SACS: variants seen among roughly 807,000 people sequenced by gnomAD.
The protein encoded by SACS is sacsin.
A neutral mutation model predicts 348.0 loss-of-function variants in SACS; 197 were observed. That is an observed-to-expected ratio of 0.57 (90% CI 0.50 to 0.64). The LOEUF (loss-of-function observed/expected upper bound fraction) is 0.64, where lower values mean the gene tolerates loss of function less well. SACS is among the 30% of genes least tolerant of loss of function. The pLI is 0.00. For synonymous variants in SACS, 1,985 were observed against 1,910.6 expected (o/e 1.04, Z -1.02); for missense variants, 4,999 against 5,360.8 (o/e 0.93, Z 2.11).
At chr13:23,362,747 G>A (rs527998143) in intron 6 of SACS, among the ~76,000 whole-genome samples, 107 of 151,496 alleles carry the variant, frequency 7.1e-4, no homozygotes, top group African/African-American at 2.4e-3. Flanking sequence ...CACCACGCAC[G>A]GCTAATTTTT....
At chr13:23,343,428 T>G (rs975672247) in intron 9 of SACS, among the ~76,000 whole-genome samples, 2 of 152,236 alleles carry the variant, frequency 1.3e-5, no homozygotes, top group African/African-American at 4.8e-5. Flanking sequence ...GGCTCACATC[T>G]GTAATCCCAC....
At chr13:23,382,484 T>C (rs902708238) in intron 2 of SACS, among the ~76,000 whole-genome samples, 2 of 152,202 alleles carry the variant, frequency 1.3e-5, no homozygotes, top group South Asian at 2.1e-4. Context: ...TAGAGATGCA[T>C]TGGATATATT....
In SACS at chr13:23,365,348, T is replaced by C. The variant is rs1014301180; in HGVS notation, c.346-71A>G. 13 of 882,476 alleles carry C rather than the reference T, an allele frequency of 1.5e-5. No individual in the cohort carries two copies. The African/African-American group carries it at 2.1e-4, about 14-fold the overall frequency. 54.7% of individuals were successfully genotyped at this position (882,476 alleles called of 1,614,324 possible). On this transcript the variant is annotated intron_variant, in intron 5 of 9. Coordinates refer to ENST00000382292, the MANE Select transcript of SACS (RefSeq NM_014363.6). The stretch of plus-strand genomic sequence containing the variant: ...TCTACTGCTCATCTTTGTATTTATC[T>C]ATAATATTTAAGAAGTTAATATACT...
intron 2 of SACS, among the ~76,000 whole-genome samples, chr13:23,404,721 A>G (rs1873128304): frequency 6.6e-6 from 1 of 152,220 alleles, no homozygotes; most frequent in Non-Finnish European, 1.5e-5. Flanking sequence ...CAACTTCAGC[A>G]GTCTCAGGAC....
Position 23,331,598 on chromosome 13 carries a change from C to T in SACS, c.12278G>A (p.Ser4093Asn). The T allele has an allele frequency of 6.2e-7, 1 of 1,613,970 alleles. No homozygotes were observed. Among genetic ancestry groups the T allele is most frequent in the Non-Finnish European group, 8.5e-7 (1 of 1,179,946 alleles). Residue 4093 changes from serine to asparagine, a missense_variant, in exon 10 of 10, where the codon AGT becomes AAT. Around this residue, in one of 6 missense-constraint regions of SACS, gnomAD observed 831 missense variants for 941.8 expected, o/e 0.88. Coordinates refer to ENST00000382292, the MANE Select transcript of SACS (RefSeq NM_014363.6). ...TGCTAACAGGAAATTAATGTCTTTA[C>T]TGTCTGAATGTTGAATGTAGAGCAA... ...VILLYIQHSD[S>N]KDINFLLALA...
chr13:23,341,314 T>C lies in SACS; in HGVS notation c.2562A>G (p.Lys854=). ...GCGGATGTTGTATAGATGCATCTAA[T>C]TTTTTAAGGACAAACCCTCCAAGTT... The part of the protein sequence containing the change: ...VQKLGGFVLK[K]LDASIQHPLI... Residue 854 remains lysine (K), a synonymous_variant, in exon 10 of 10, where the codon AAA becomes AAG. Transcript: ENST00000382292. The C allele has an allele frequency of 1.2e-6, 2 of 1,606,852 alleles. No individual in the cohort carries two copies. The highest frequency in any genetic ancestry group is 1.1e-5 in the South Asian group (1 of 89,704).
chr13:23,356,342 G>C (rs1870391385), intron 7 of SACS, among the ~76,000 whole-genome samples: 1 of 152,168 alleles, frequency 6.6e-6, no homozygotes, highest in African/African-American at 2.4e-5. Context: ...CAATTCGACA[G>C]AACAGGACTG....
At chr13:23,368,887 GA>G (rs1871215202) in intron 4 of SACS, among the ~76,000 whole-genome samples, 1 of 152,034 alleles carries the variant, frequency 6.6e-6, no homozygotes, top group Admixed American at 6.6e-5. Context: ...TTTTAGTAGA[GA>G]TGGGGTTTCA....
At chr13:23,399,013 C>G in intron 2 of SACS, among the ~76,000 whole-genome samples, 1 of 30,854 alleles carries the variant, frequency 3.2e-5, no homozygotes, top group Admixed American at 4.1e-4. Flanking sequence ...GAGTGAGACT[C>G]CATCTCAAAA....
chr13:23,432,659 CAATT>C (rs893561256), intron 1 of SACS, among the ~76,000 whole-genome samples: 1 of 151,448 alleles, frequency 6.6e-6, no homozygotes, highest in Non-Finnish European at 1.5e-5. Context: ...ATGGGATTGT[CAATT>C]ATTTATTATT....
chr13:23,368,197 C>T (rs914872642), intron 5 of SACS, among the ~76,000 whole-genome samples: 5 of 152,128 alleles, frequency 3.3e-5, no homozygotes, highest in African/African-American at 1.2e-4. Flanking sequence ...CATTTCTTTG[C>T]CCCAGAAAAC....
chr13:23,413,322 GC>G (rs1235280555), intron 1 of SACS, among the ~76,000 whole-genome samples: 1 of 152,188 alleles, frequency 6.6e-6, no homozygotes, highest in African/African-American at 2.4e-5. Context: ...ACATGAGACT[GC>G]ACTTTCTGCC....
intron 2 of SACS, among the ~76,000 whole-genome samples, chr13:23,376,636 G>A (rs1871819191): frequency 6.6e-6 from 1 of 152,182 alleles, no homozygotes; most frequent in Non-Finnish European, 1.5e-5. Context: ...GTTAAAAAGG[G>A]AATGATAGAA....
chr13:23,338,830 C>G lies in SACS; in HGVS notation c.5046G>C (p.Arg1682Ser). 6.2e-7 allele frequency: 1 copy of G among 1,612,892 alleles called. No homozygotes were observed. Among genetic ancestry groups the G allele is most frequent in the African/African-American group, 1.3e-5 (1 of 75,002 alleles). Residue 1682 changes from arginine (R) to serine (S), a missense_variant, in exon 10 of 10, where the codon AGG becomes AGC. Coordinates refer to ENST00000382292, the MANE Select transcript of SACS (RefSeq NM_014363.6). ...LVDEFSLCGH[R>S]LIIFTQSVKS... Reference sequence around the variant, plus strand: ...TTACACTCTGAGTGAAAATGATAAGCCTGTGTCCACAGAGACTAAATTCAT... The same window carrying G: ...TTACACTCTGAGTGAAAATGATAAGGCTGTGTCCACAGAGACTAAATTCAT...
At chr13:23,410,315 CTT>C (rs772850970) in intron 2 of SACS, among the ~76,000 whole-genome samples, 19 of 152,284 alleles carry the variant, frequency 1.2e-4, no homozygotes, top group Non-Finnish European at 2.6e-4. Context: ...TCTCAATACT[CTT>C]GTCCATTCAC....
At chr13:23,404,285 C>T (rs533263554) in intron 2 of SACS, among the ~76,000 whole-genome samples, 198 of 152,210 alleles carry the variant, frequency 1.3e-3, no homozygotes, top group Middle Eastern at 6.8e-3. Flanking sequence ...AATCAATAAA[C>T]GTAATCCATC....
At chr13:23,399,037 A>AAAAAAAAAAAAAAAAAAAAAAAAC (rs55848856) in intron 2 of SACS, among the ~76,000 whole-genome samples, 10 of 149,750 alleles carry the variant, frequency 6.7e-5, no homozygotes, top group African/African-American at 2.2e-4. Flanking sequence ...AAAAAAAAAA[A>AAAAAAAAAAAAAAAAAAAAAAAAC]CATGGATGCC....
chr13:23,329,733 T>C lies in SACS; in HGVS notation c.*403A>G, dbSNP rs773243050. 6.0e-6 allele frequency: 3 copies of C among 499,744 alleles called. No homozygotes were observed. The highest frequency in any genetic ancestry group is 1.0e-5 in the Non-Finnish European group (3 of 286,484). 31.0% of individuals were successfully genotyped at this position (499,744 alleles called of 1,614,324 possible). On this transcript the variant is annotated 3_prime_UTR_variant, in exon 10 of 10. Coordinates refer to ENST00000382292, the MANE Select transcript of SACS (RefSeq NM_014363.6). ...GACTACAAAGACTTAATTCCCCTTATGTTTAAACCAATTATATGTCCAGTG... is the reference window on the plus strand; with the variant it reads ...GACTACAAAGACTTAATTCCCCTTACGTTTAAACCAATTATATGTCCAGTG...
chr13:23,399,295 T>A (rs1371361254), intron 2 of SACS, among the ~76,000 whole-genome samples: 1 of 152,126 alleles, frequency 6.6e-6, no homozygotes, highest in Non-Finnish European at 1.5e-5. Flanking sequence ...GTTCTCGAGA[T>A]CAACTTCCTT....
Sources: gnomAD v4.1 joint callset for allele counts (sites outside exome capture counted in the v4.1 genomes callset) on GRCh38, gnomAD v4.1.1 for gene constraint, gnomAD v4.1.1 regional missense constraint, MANE v1.5 for transcripts, NCBI Gene and HGNC (gene_info 2026-07-23, HGNC 2026-07-21) for gene names.